VGLL4: variants seen among roughly 807,000 people sequenced by gnomAD.
VGLL4 encodes the protein transcription cofactor vestigial-like protein 4.
A neutral mutation model predicts 21.0 loss-of-function variants in VGLL4; 7 were observed. The observed-to-expected ratio is 0.33, with a 90% CI of 0.19 to 0.63. The LOEUF (loss-of-function observed/expected upper bound fraction) is 0.63. VGLL4 is among the 20% of genes least tolerant of loss of function. The pLI is 0.78. For synonymous variants in VGLL4, 222 were observed against 173.2 expected, an observed-to-expected ratio of 1.28 and a Z score of -2.21; for missense variants, 394 against 425.7, an observed-to-expected ratio of 0.93 and a Z score of 0.66.
At chr3:11,576,418 C>T (rs1405299813) in intron 2 of VGLL4, among the ~76,000 whole-genome samples, 8 of 152,210 alleles carry the variant, frequency 5.3e-5, no homozygotes, top group African/African-American at 1.4e-4. Context: ...AAAAATACAA[C>T]CACTATCATA....
chr3:11,651,847 A>G (rs1268865940), intron 2 of VGLL4, among the ~76,000 whole-genome samples: 1 of 152,116 alleles, frequency 6.6e-6, no homozygotes, highest in Non-Finnish European at 1.5e-5. Context: ...ATCATAAAAT[A>G]GTGATTATTT....
upstream of VGLL4, among the ~76,000 whole-genome samples, chr3:11,644,845 C>CAAAAAAAAAAAAAA (rs11293808): frequency 1.4e-5 from 1 of 71,192 alleles, no homozygotes; most frequent in Non-Finnish European, 3.4e-5. Flanking sequence ...GACTTTGTCT[C>CAAAAAAAAAAAAAA]AAAAAAAAAA....
At chr3:11,715,073 T>G (rs1057371827) in intron 1 of VGLL4, among the ~76,000 whole-genome samples, 49 of 149,228 alleles carry the variant, frequency 3.3e-4, no homozygotes, top group African/African-American at 1.2e-3. Flanking sequence ...AGGCGGAGCT[T>G]GCAGTGAGCC....
intron 2 of VGLL4, among the ~76,000 whole-genome samples, chr3:11,667,441 T>C (rs990780543): frequency 2.6e-5 from 4 of 152,254 alleles, no homozygotes; most frequent in African/African-American, 9.6e-5. Context: ...AATTGTGACA[T>C]ATACTATTTA....
At chr3:11,582,103 T>C (rs1398479508) in intron 2 of VGLL4, among the ~76,000 whole-genome samples, 3 of 152,184 alleles carry the variant, frequency 2.0e-5, no homozygotes, top group African/African-American at 4.8e-5. Flanking sequence ...AAGGTGGCGT[T>C]TGGGGAGAAG....
At chr3:11,617,783 A>G (rs2075191043) in intron 1 of VGLL4, among the ~76,000 whole-genome samples, 1 of 152,258 alleles carries the variant, frequency 6.6e-6, no homozygotes, top group African/African-American at 2.4e-5. Context: ...AACAAGGAAG[A>G]GTGAGTTAGT....
chr3:11,570,373 C>A (rs2073727413), intron 2 of VGLL4, among the ~76,000 whole-genome samples: 1 of 152,154 alleles, frequency 6.6e-6, no homozygotes, highest in African/African-American at 2.4e-5. Context: ...AGATGCCGGC[C>A]ACCAAGGTCT....
chr3:11,713,568 T>TTA (rs10690353), intron 1 of VGLL4, among the ~76,000 whole-genome samples: 19,546 of 140,088 alleles, frequency 0.14, 1,514 homozygotes, highest in East Asian at 0.36. Context: ...TATATATTAT[T>TTA]TATATATATA....
In VGLL4 at chr3:11,656,858, C is replaced by T. The variant is rs1013512693; in HGVS notation, c.64+46113G>A. Among the ~76,000 whole-genome samples the T allele has an allele frequency of 3.3e-5, 5 of 152,140 alleles. No homozygotes were observed. In the East Asian group the frequency reaches 7.7e-4, roughly 23 times the overall value. ...CTGTGACCCCAGCAACAACGAAGCA[C>T]GGCCCTGGTCAGGCATTCAGATGCC... On this transcript the variant is annotated intron_variant, in intron 2 of 5. Coordinates refer to the VGLL4 transcript ENST00000273038.
upstream of VGLL4, among the ~76,000 whole-genome samples, chr3:11,646,478 C>T (rs9310389): frequency 0.49 from 74,649 of 151,682 alleles, 18,672 homozygotes; most frequent in East Asian, 0.57. Flanking sequence ...AGGTGGGAAC[C>T]AGCAGCAGTA....
chr3:11,698,604 A>G (rs2076636675), intron 2 of VGLL4, among the ~76,000 whole-genome samples: 1 of 152,194 alleles, frequency 6.6e-6, no homozygotes, highest in Admixed American at 6.5e-5. Flanking sequence ...AAGAACAGCA[A>G]TCTCAAGTTG....
intron 2 of VGLL4, among the ~76,000 whole-genome samples, chr3:11,700,830 G>C (rs1180024027): frequency 2.0e-5 from 3 of 152,178 alleles, no homozygotes; most frequent in African/African-American, 7.2e-5. Flanking sequence ...CCTTCGGCCT[G>C]AGCTGCCTCT....
At chr3:11,614,219 T>C (rs1169980590) in intron 1 of VGLL4, among the ~76,000 whole-genome samples, 4 of 152,222 alleles carry the variant, frequency 2.6e-5, no homozygotes, top group East Asian at 1.9e-4. Context: ...AAAACCCGAC[T>C]TGAGTGCCTC....
chr3:11,631,136 C>T (rs141317649), intron 1 of VGLL4, among the ~76,000 whole-genome samples: 16 of 152,260 alleles, frequency 1.1e-4, no homozygotes, highest in African/African-American at 2.4e-4. Context: ...TTACTTTATA[C>T]GACGTTCAAG....
At chr3:11,693,902 G>GT (rs1190256511) in intron 2 of VGLL4, among the ~76,000 whole-genome samples, 1 of 152,042 alleles carries the variant, frequency 6.6e-6, no homozygotes, top group African/African-American at 2.4e-5. Flanking sequence ...TTTTGTTTTT[G>GT]TTTTTTTAAT....
At chr3:11,656,894 A>G (rs951066669) in intron 2 of VGLL4, among the ~76,000 whole-genome samples, 8 of 152,182 alleles carry the variant, frequency 5.3e-5, no homozygotes, top group African/African-American at 9.6e-5. Context: ...AGGAAAGAGA[A>G]GAGGGGGTCT....
chr3:11,630,437 G>A (rs2075450715), intron 1 of VGLL4, among the ~76,000 whole-genome samples: 1 of 152,236 alleles, frequency 6.6e-6, no homozygotes, highest in South Asian at 2.1e-4. Flanking sequence ...CTGAGGTCAG[G>A]ACTTCGAAAC....
At chr3:11,582,581 A>T (rs1171296310) in intron 2 of VGLL4, among the ~76,000 whole-genome samples, 1 of 152,216 alleles carries the variant, frequency 6.6e-6, no homozygotes, top group East Asian at 1.9e-4. Flanking sequence ...CCATTTGGTG[A>T]GAAAATAGAT....
intron 2 of VGLL4, among the ~76,000 whole-genome samples, chr3:11,578,995 G>A (rs1416247571): frequency 4.6e-5 from 7 of 151,810 alleles, no homozygotes; most frequent in Non-Finnish European, 8.8e-5. Context: ...TGATCCGCCC[G>A]CCTCAGCCTC....
Sources: gnomAD v4.1 joint callset for allele counts (sites outside exome capture counted in the v4.1 genomes callset) on GRCh38, gnomAD v4.1.1 for gene constraint, MANE v1.5 for transcripts, NCBI Gene and HGNC (gene_info 2026-07-23, HGNC 2026-07-21) for gene names.